Variants in PRKN observed in about 807,000 individuals in gnomAD.
The protein encoded by PRKN is parkin RBR E3 ubiquitin protein ligase, also known as E3 ubiquitin-protein ligase parkin.
In PRKN, 56 loss-of-function variants were observed where a neutral mutation model predicts 59.5. The ratio of observed to expected loss-of-function variants is 0.94; its 90% CI spans 0.76 to 1.18. The LOEUF (loss-of-function observed/expected upper bound fraction) is 1.18. Among genes scored for constraint, PRKN ranks in the 50% most tolerant of loss-of-function variants. The pLI, the probability that PRKN is intolerant of heterozygous loss-of-function variation, is 0.00. For missense variants in PRKN, 657 were observed against 596.4 expected (o/e 1.10, Z -1.06); for synonymous variants, 250 against 222.1 (o/e 1.13, Z -1.12).
At chr6:161,517,262 C>G (rs1778643771) in intron 9 of PRKN, among the ~76,000 whole-genome samples, 1 of 152,100 alleles carries the variant, frequency 6.6e-6, no homozygotes, top group Non-Finnish European at 1.5e-5. Flanking sequence ...TTTTTAGGTT[C>G]ATTCGTGTTG....
Position 161,454,318 on chromosome 6 carries a change from C to T in PRKN, c.1084-67441G>A, listed in dbSNP as rs1037113159. On this transcript the variant is annotated intron_variant, in intron 9 of 11. Transcript: ENST00000366898. The surrounding 1 kb of genome is among the most constrained non-coding windows in gnomAD (Gnocchi z 4.6). Reference sequence around the variant, plus strand: ...CTGTGAAAGAAAGACCTCAGGCTCACGTTATTAGATCCTTGGGTAATTCTC... The same window carrying T: ...CTGTGAAAGAAAGACCTCAGGCTCATGTTATTAGATCCTTGGGTAATTCTC... Among the ~76,000 whole-genome samples the T allele has an allele frequency of 2.6e-5, 4 of 152,130 alleles. No homozygotes were observed. The highest frequency in any genetic ancestry group is 2.1e-4 in the South Asian group (1 of 4,820).
At chr6:162,328,006 G>A (rs547873854) in intron 2 of PRKN, among the ~76,000 whole-genome samples, 34 of 152,216 alleles carry the variant, frequency 2.2e-4, no homozygotes, top group African/African-American at 7.7e-4. Flanking sequence ...CAGGGCAAGC[G>A]ACGCTGGCCA....
chr6:162,072,868 G>T (rs374627529), intron 4 of PRKN, among the ~76,000 whole-genome samples: 2 of 152,138 alleles, frequency 1.3e-5, no homozygotes, highest in East Asian at 3.8e-4. Context: ...AATACCACAC[G>T]CATAGTGAAT....
intron 7 of PRKN, among the ~76,000 whole-genome samples, chr6:161,594,393 G>A (rs1176086092): frequency 6.6e-6 from 1 of 152,174 alleles, no homozygotes; most frequent in Non-Finnish European, 1.5e-5. Flanking sequence ...GGGCAAGATG[G>A]GAGAAGACAT....
intron 5 of PRKN, among the ~76,000 whole-genome samples, chr6:162,043,243 T>A (rs1370813279): frequency 1.3e-5 from 2 of 152,166 alleles, no homozygotes; most frequent in East Asian, 3.9e-4. Flanking sequence ...GAGACACAAT[T>A]CAAGCTGAGA....
intron 1 of PRKN, among the ~76,000 whole-genome samples, chr6:162,595,895 A>G (rs1781479855): frequency 6.6e-6 from 1 of 152,208 alleles, no homozygotes; most frequent in African/African-American, 2.4e-5. Flanking sequence ...AAAGAAAATA[A>G]GCTCATTGAA....
chr6:162,282,606 T>A (rs1012243697), intron 2 of PRKN, among the ~76,000 whole-genome samples: 2 of 152,206 alleles, frequency 1.3e-5, no homozygotes, highest in Non-Finnish European at 2.9e-5. Context: ...ATCTAAACAG[T>A]CATCAATATT....
chr6:162,093,074 C>T (rs1779573976), intron 4 of PRKN, among the ~76,000 whole-genome samples: 2 of 152,204 alleles, frequency 1.3e-5, no homozygotes, highest in African/African-American at 4.8e-5. Flanking sequence ...TCTGTCGCTT[C>T]TAATTCCAGC....
chr6:161,946,451 C>CTCTCTCTCT (rs1554253070), intron 6 of PRKN, among the ~76,000 whole-genome samples: 80 of 136,658 alleles, frequency 5.9e-4, no homozygotes, highest in African/African-American at 1.9e-3. Flanking sequence ...CTCTCTCTCT[C>CTCTCTCTCT]AATACAAAAG....
At chr6:162,359,079 A>AAAAATATATATATATATATAT (rs57265104) in intron 2 of PRKN, among the ~76,000 whole-genome samples, 2 of 83,248 alleles carry the variant, frequency 2.4e-5, no homozygotes, top group African/African-American at 1.5e-4. Context: ...AAAAAAAAAA[A>AAAAATATATATATATATATAT]ATATATATAT....
chr6:161,858,166 A>G (rs4279411), intron 6 of PRKN, among the ~76,000 whole-genome samples: 75,777 of 152,062 alleles, frequency 0.5, 19,134 homozygotes, highest in East Asian at 0.76. Flanking sequence ...AACTGATCAC[A>G]AGTAAGAGAT....
intron 1 of PRKN, among the ~76,000 whole-genome samples, chr6:162,698,164 C>T (rs1180148978): frequency 6.6e-6 from 1 of 152,240 alleles, no homozygotes; most frequent in Non-Finnish European, 1.5e-5. Context: ...GATCAGCATA[C>T]AAAGGCATAC....
chr6:161,402,971 C>T lies in PRKN; in HGVS notation c.1084-16094G>A, dbSNP rs2114984618. Among the ~76,000 whole-genome samples the T allele has an allele frequency of 6.6e-6, 1 of 152,246 alleles. No individual in the cohort carries two copies. The highest frequency in any genetic ancestry group is 2.1e-4 in the South Asian group (1 of 4,824). The stretch of plus-strand genomic sequence containing the variant: ...AACTGAGATCCATCAATTGTATTTG[C>T]AGAGAAGCTAGTTCAGAGAAAGGCC... On this transcript the variant is annotated intron_variant, in intron 9 of 11. Coordinates refer to ENST00000366898, the MANE Select transcript of PRKN (RefSeq NM_004562.3). The surrounding 1 kb of genome is among the most constrained non-coding windows in gnomAD (Gnocchi z 4.5).
In PRKN at chr6:161,456,701, C is replaced by G. The variant is rs1340121653; in HGVS notation, c.1084-69824G>C. ...GGCACTGAACTGTACCAAAAGAAAGCTGCTCTTTGGGTTTGCGAATGCTGA... is the reference window on the plus strand; with the variant it reads ...GGCACTGAACTGTACCAAAAGAAAGGTGCTCTTTGGGTTTGCGAATGCTGA... On this transcript the variant is annotated intron_variant, in intron 9 of 11. Transcript: ENST00000366898. The surrounding 1 kb of genome is among the most constrained non-coding windows in gnomAD (Gnocchi z 4.8). 6.6e-6 allele frequency among the ~76,000 whole-genome samples: 1 copy of G among 152,186 alleles called. No homozygotes were observed. Among genetic ancestry groups the G allele is most frequent in the African/African-American group, 2.4e-5 (1 of 41,442 alleles).
At chr6:161,649,573 A>C (rs957971745) in intron 7 of PRKN, among the ~76,000 whole-genome samples, 3 of 152,218 alleles carry the variant, frequency 2.0e-5, no homozygotes, top group South Asian at 2.1e-4. Context: ...GACGTAGTTC[A>C]TGGACCTATT....
intron 6 of PRKN, among the ~76,000 whole-genome samples, chr6:161,915,147 G>T (rs1474566843): frequency 6.6e-6 from 1 of 152,072 alleles, no homozygotes; most frequent in Non-Finnish European, 1.5e-5. Context: ...TTAGCTGGGC[G>T]TGGTGGTGTA....
Position 162,677,524 on chromosome 6 carries a change from GA to G in PRKN, c.7+50137del, listed in dbSNP as rs1173076631. Among the ~76,000 whole-genome samples, 56 of 147,752 alleles carry G rather than the reference GA, an allele frequency of 3.8e-4. 1 individual carries two copies. Among genetic ancestry groups the G allele is most frequent in the Admixed American group, 1.1e-3 (16 of 14,700 alleles). ...ACCTGAAATTATCATATTTAATAGG[GA>G]AAAAAATGGAAAATATTTTCCAACT... On this transcript the variant is annotated intron_variant, in intron 1 of 11. Transcript: ENST00000366898.
intron 7 of PRKN, among the ~76,000 whole-genome samples, chr6:161,625,371 T>C (rs1300087472): frequency 7.5e-5 from 11 of 147,132 alleles, no homozygotes. Flanking sequence ...AATGAGAACA[T>C]ATGGACAGAG....
chr6:161,584,055 A>C lies in PRKN; in HGVS notation c.872-14639T>G, dbSNP rs778097184. Among the ~76,000 whole-genome samples, 51 of 152,306 alleles carry C rather than the reference A, an allele frequency of 3.3e-4. No homozygotes were observed. The highest frequency in any genetic ancestry group is 1.1e-3 in the African/African-American group (46 of 41,568). ...AATCACAGTGAGGCCAATGTCCCCC[A>C]GTTTCCCAGAGTATTAGAGACACAA... On this transcript the variant is annotated intron_variant, in intron 7 of 11. Coordinates refer to ENST00000366898, the MANE Select transcript of PRKN (RefSeq NM_004562.3). This position sits in a 1 kb window ranked among gnomAD's most constrained non-coding sequence, Gnocchi z 4.8.
Sources: gnomAD v4.1 joint callset for allele counts (sites outside exome capture counted in the v4.1 genomes callset) on GRCh38, gnomAD v4.1.1 for gene constraint, Gnocchi (gnomAD v3.1) non-coding constraint, MANE v1.5 for transcripts, NCBI Gene and HGNC (gene_info 2026-07-23, HGNC 2026-07-21) for gene names.